PDE10A: variants seen among roughly 807,000 people sequenced by gnomAD.
PDE10A encodes the protein phosphodiesterase 10A, also known as cAMP and cAMP-inhibited cGMP 3',5'-cyclic phosphodiesterase 10A.
Under a neutral mutation model 97.7 loss-of-function variants are expected in PDE10A, and 39 were observed. The ratio of observed to expected loss-of-function variants is 0.40; its 90% CI spans 0.31 to 0.52. The LOEUF is 0.52. Among genes scored for constraint, PDE10A ranks in the 20% least tolerant of loss-of-function variants. PDE10A has a pLI of 0.56. For synonymous variants in PDE10A, 371 were observed against 376.8 expected, an observed-to-expected ratio of 0.98 and a Z score of 0.18; for missense variants, 731 against 1,047.8, an observed-to-expected ratio of 0.70 and a Z score of 4.17.
At chr6:165,566,603 A>T (rs887639737) in intron 1 of PDE10A, among the ~76,000 whole-genome samples, 15 of 152,200 alleles carry the variant, frequency 9.9e-5, no homozygotes, top group African/African-American at 3.6e-4. Context: ...ACTGCGGAAC[A>T]TGATACCAAG....
In PDE10A at chr6:165,661,994, T is replaced by C. The variant is rs1335295427; in HGVS notation, c.818A>G (p.Asn273Ser). 7.0e-7 allele frequency: 1 copy of C among 1,421,690 alleles called. No homozygotes were observed. The highest frequency in any genetic ancestry group is 9.7e-7 in the Non-Finnish European group (1 of 1,035,526). 88.1% of individuals were successfully genotyped at this position (1,421,690 alleles called of 1,614,324 possible). A position where few individuals can be genotyped will look rare whatever the true frequency, so the allele number is the denominator to read the frequency against. The change falls in exon 1 of 22, where the codon AAT becomes AGT. Residue 273 changes from asparagine (N) to serine (S), a missense_variant. By Grantham distance (46) the Asn-to-Ser change is conservative. Coordinates refer to ENST00000539869, the MANE Select transcript of PDE10A (RefSeq NM_001385079.1). The surrounding 1 kb of genome is among the most constrained non-coding windows in gnomAD (Gnocchi z 4.8). Reference sequence around the variant, plus strand: ...CAGCCTTCGGAAGCAGCTCGCATTATTAGAAGGTCCATCTTCCATGTCGGA... The same window carrying C: ...CAGCCTTCGGAAGCAGCTCGCATTACTAGAAGGTCCATCTTCCATGTCGGA... ...FGSDMEDGPS[N>S]NASCFRRLTE...
intron 1 of PDE10A, chr6:165,948,833 A>C (rs1783862779): frequency 6.6e-6 from 1 of 152,238 alleles, no homozygotes; most frequent in African/African-American, 2.4e-5. Flanking sequence ...CCACAGCAGT[A>C]GGTACAGGGA....
intron 1 of PDE10A, among the ~76,000 whole-genome samples, chr6:165,765,486 C>A (rs1047627054): frequency 2.0e-5 from 3 of 152,238 alleles, no homozygotes; most frequent in Non-Finnish European, 4.4e-5. Flanking sequence ...TGGGCTGGCA[C>A]TGCTGGGGGA....
At chr6:165,564,254 T>G (rs1011547690) in intron 1 of PDE10A, among the ~76,000 whole-genome samples, 3 of 152,138 alleles carry the variant, frequency 2.0e-5, no homozygotes, top group Non-Finnish European at 4.4e-5. Flanking sequence ...TCAAGAAACA[T>G]GAGAGCTGGT....
rs1225918192 is a variant in PDE10A at position 165,435,341 on chromosome 6, C to T, written c.1231G>A (p.Gly411Arg). Reference sequence around the variant, plus strand: ...CCAGCAGGGATGAGGCGGGGTTTTCCTTCCTTTATCCCAGGTGGCGTGAAT... The same window carrying T: ...CCAGCAGGGATGAGGCGGGGTTTTCTTTCCTTTATCCCAGGTGGCGTGAAT... ...CIFTPPGIKEGKPRLIPAGPI... is the reference protein window; with the variant it reads ...CIFTPPGIKERKPRLIPAGPI... Residue 411 changes from glycine to arginine, a missense_variant, in exon 6 of 22, where the codon GGA (glycine) becomes AGA (arginine). By Grantham distance (125) the Gly-to-Arg change is moderately radical (BLOSUM62 -2). Around this residue, in one of 8 missense-constraint regions of PDE10A, gnomAD observed 152 missense variants for 199.3 expected, o/e 0.76. Coordinates refer to ENST00000539869, the MANE Select transcript of PDE10A (RefSeq NM_001385079.1). The T allele has an allele frequency of 1.2e-6, 2 of 1,614,044 alleles. No individual in the cohort carries two copies. Among genetic ancestry groups the T allele is most frequent in the Non-Finnish European group, 1.7e-6 (2 of 1,179,972 alleles).
intron 1 of PDE10A, among the ~76,000 whole-genome samples, chr6:165,691,266 T>C (rs1241704304): frequency 7.2e-6 from 1 of 139,492 alleles, no homozygotes; most frequent in Non-Finnish European, 1.5e-5. Flanking sequence ...ATAACCACAT[T>C]TGAGTCACTG....
chr6:165,907,485 C>A (rs576088149), intron 1 of PDE10A, among the ~76,000 whole-genome samples: 1 of 152,214 alleles, frequency 6.6e-6, no homozygotes, highest in Non-Finnish European at 1.5e-5. Context: ...CAGTGGGAGC[C>A]GCACTCTCTC....
intron 1 of PDE10A, among the ~76,000 whole-genome samples, chr6:165,824,968 TAA>T (rs71890265): frequency 6.5e-5 from 6 of 92,386 alleles, no homozygotes; most frequent in Admixed American, 2.6e-4. Context: ...CCGTCTCTAC[TAA>T]AAAAAAAAAA....
intron 13 of PDE10A, 137 bp downstream of exon 13, chr6:165,413,364 C>T (rs778063782): frequency 1.2e-5 from 7 of 578,256 alleles, no homozygotes; most frequent in East Asian, 1.1e-4. Flanking sequence ...AAAACATGTA[C>T]AATCAGGAAT....
At position 165,391,392 on chromosome 6, in the gene PDE10A, TG is replaced by T. The variant is rs890213046; in HGVS notation, c.2454+1253del. 4.2e-4 allele frequency among the ~76,000 whole-genome samples: 64 copies of T among 152,330 alleles called. 1 individual carries two copies. Among genetic ancestry groups the T allele is most frequent in the South Asian group, 2.3e-3 (11 of 4,832 alleles). On this transcript the variant is annotated intron_variant, in intron 16 of 21. Coordinates refer to ENST00000539869, the MANE Select transcript of PDE10A (RefSeq NM_001385079.1). ...CTTATTGTTAAATTTTCAATTTTTT[TG>T]AATATAAATTACAATGCAACTTGAA...
At chr6:165,510,647 C>T (rs970314003) in intron 2 of PDE10A, among the ~76,000 whole-genome samples, 2 of 151,988 alleles carry the variant, frequency 1.3e-5, no homozygotes, top group Non-Finnish European at 2.9e-5. Context: ...AGTGAATCTA[C>T]TGGGTCCTGA....
At chr6:165,744,188 C>A (rs545659189) in intron 1 of PDE10A, among the ~76,000 whole-genome samples, 15 of 152,268 alleles carry the variant, frequency 9.9e-5, no homozygotes, top group South Asian at 6.2e-4. Context: ...TTTATAAGGA[C>A]AATTGTCTAC....
chr6:165,774,853 T>C (rs1313271193), intron 1 of PDE10A: 3 of 148,992 alleles, frequency 2.0e-5, no homozygotes, highest in Non-Finnish European at 4.5e-5. Flanking sequence ...TTTTTTTTAG[T>C]TTTTTGTTTC....
At position 165,805,573 on chromosome 6, in the gene PDE10A, C is replaced by T. The variant is rs188597998; in HGVS notation, c.-615+181956G>A. Among the ~76,000 whole-genome samples, 157 of 152,148 alleles carry T rather than the reference C, an allele frequency of 1.0e-3. 1 individual carries two copies. The highest frequency in any genetic ancestry group is 3.7e-3 in the African/African-American group (152 of 41,506). ...ACATCATTTACCCCAGCCACTTCCCCGACCCTCGGCCTCCTTCAACTCTAT... is the reference window on the plus strand; with the variant it reads ...ACATCATTTACCCCAGCCACTTCCCTGACCCTCGGCCTCCTTCAACTCTAT... On this transcript the variant is annotated intron_variant, in intron 1 of 19. Transcript: ENST00000366882.
intron 1 of PDE10A, among the ~76,000 whole-genome samples, chr6:165,746,556 C>T (rs909734184): frequency 1.3e-5 from 2 of 152,202 alleles, no homozygotes; most frequent in African/African-American, 4.8e-5. Flanking sequence ...GGGTGTGTCC[C>T]GAGTGCCAGA....
chr6:165,358,171 T>G (rs1783152416), intron 18 of PDE10A, among the ~76,000 whole-genome samples: 1 of 152,130 alleles, frequency 6.6e-6, no homozygotes, highest in African/African-American at 2.4e-5. Context: ...GGTAAAATAA[T>G]ACTCCTAAGA....
intron 18 of PDE10A, 117 bp from the exon 19 acceptor site, chr6:165,343,619 C>A: frequency 1.4e-6 from 1 of 723,032 alleles, no homozygotes. Context: ...CATTAAAGAG[C>A]ACACAGAAGT....
chr6:165,352,527 T>C (rs489431), intron 18 of PDE10A, among the ~76,000 whole-genome samples: 84,424 of 151,882 alleles, frequency 0.56, 24,559 homozygotes, highest in African/African-American at 0.74. Context: ...AATTGATCCA[T>C]TAAAAGTATA....
chr6:165,388,435 C>G lies in PDE10A; in HGVS notation c.2473G>C (p.Ala825Pro). The G allele has an allele frequency of 6.2e-7, 1 of 1,614,070 alleles. No individual in the cohort carries two copies. Among genetic ancestry groups the G allele is most frequent in the African/African-American group, 1.3e-5 (1 of 75,020 alleles). Residue 825 changes from alanine to proline, a missense_variant, in exon 17 of 22, where the codon GCG (alanine) becomes CCG (proline). Ala to Pro is a conservative substitution (Grantham distance 27, BLOSUM62 -1). Coordinates refer to ENST00000539869, the MANE Select transcript of PDE10A (RefSeq NM_001385079.1). This position sits in a 1 kb window ranked among gnomAD's most constrained non-coding sequence, Gnocchi z 4.0. ...TDLERKGLLI[A>P]CLCHDLDHRG... ...TGGTCCAGGTCATGACACAGACACG[C>G]AATCAGCAGTCCTTTGCGCTTTAAA...
Sources: allele counts gnomAD v4.1 joint callset (sites outside exome capture counted in the v4.1 genomes callset), GRCh38; gene constraint gnomAD v4.1.1; regional missense constraint gnomAD v4.1.1; non-coding constraint Gnocchi (gnomAD v3.1); transcripts MANE v1.5; gene names NCBI Gene and HGNC (gene_info 2026-07-23, HGNC 2026-07-21).